The following AGTPBP1 variants were observed in gnomAD, a reference collection of about 807,000 sequenced individuals.
The protein encoded by AGTPBP1 is ATP/GTP binding carboxypeptidase 1.
In AGTPBP1, 70 loss-of-function variants were observed where a neutral mutation model predicts 143.9. The observed-to-expected ratio is 0.49, with a 90% CI of 0.40 to 0.59. AGTPBP1 has a LOEUF of 0.59. Ranked by LOEUF, AGTPBP1 falls within the 20% of genes least tolerant of loss-of-function variation. The pLI is 0.00. For missense variants in AGTPBP1, 1,229 were observed against 1,464.5 expected, an observed-to-expected ratio of 0.84 and a Z score of 2.62; for synonymous variants, 463 against 500.2, an observed-to-expected ratio of 0.93 and a Z score of 0.99.
rs1832576228 is a variant in AGTPBP1 at position 85,642,850 on chromosome 9, G to A, written c.1279C>T (p.Pro427Ser). Reference sequence around the variant, plus strand: ...ACCTGAAAATCATCAACAAGCTCAGGGAAAAGGTGTTCATACATTTTTAGA... The same window carrying A: ...ACCTGAAAATCATCAACAAGCTCAGAGAAAAGGTGTTCATACATTTTTAGA... ...EDLKMYEHLF[P>S]ELVDDFQDYD... Residue 427 changes from proline to serine, a missense_variant, in exon 13 of 26, where the codon CCT (proline) becomes TCT (serine). Pro to Ser is a moderately conservative substitution (Grantham distance 74). Transcript: ENST00000357081. The A allele has an allele frequency of 6.2e-7, 1 of 1,611,522 alleles. No homozygotes were observed. The highest frequency in any genetic ancestry group is 8.5e-7 in the Non-Finnish European group (1 of 1,179,222).
chr9:85,593,872 C>CT (rs1486650405), intron 18 of AGTPBP1, among the ~76,000 whole-genome samples: 3 of 152,130 alleles, frequency 2.0e-5, no homozygotes, highest in Admixed American at 6.5e-5. Flanking sequence ...TAAAGATGCT[C>CT]TAACAACTTA....
the AGTPBP1 span, among the ~76,000 whole-genome samples, chr9:85,760,648 C>T: frequency 6.6e-6 from 1 of 152,132 alleles, no homozygotes; most frequent in African/African-American, 2.4e-5. Flanking sequence ...TTATGACAAA[C>T]CCACAGCCAA....
At chr9:85,592,534 A>G (rs377535152) in intron 19 of AGTPBP1, 26 bp downstream of exon 19, 1 of 1,517,918 alleles carries the variant, frequency 6.6e-7, no homozygotes, top group Non-Finnish European at 8.9e-7. Context: ...ATATCCATAT[A>G]ATACAATTTA....
Position 85,672,586 on chromosome 9 carries a change from G to T in AGTPBP1, c.532C>A (p.Pro178Thr). ...QNLQNHRLVL[P>T]CLQLLRVYSA... The stretch of plus-strand genomic sequence containing the variant: ...TATACTCGTAAAAGCTGAAGGCAAG[G>T]TAGAACCAAGCGATGATTCTGCAAA... Residue 178 changes from proline (P) to threonine (T), a missense_variant, in exon 7 of 26, where the codon CCT becomes ACT. By Grantham distance (38) the Pro-to-Thr change is conservative (BLOSUM62 -1). Around this residue, in one of 2 missense-constraint regions of AGTPBP1, gnomAD observed 743 missense variants for 812.2 expected, o/e 0.91. Coordinates refer to ENST00000357081, the MANE Select transcript of AGTPBP1 (RefSeq NM_001330701.2). 1 of 1,613,566 alleles carries T rather than the reference G, an allele frequency of 6.2e-7. No homozygotes were observed. Among genetic ancestry groups the T allele is most frequent in the East Asian group, 2.2e-5 (1 of 44,848 alleles).
intron 11 of AGTPBP1, among the ~76,000 whole-genome samples, chr9:85,648,025 G>A (rs1252188718): frequency 2.0e-5 from 3 of 152,148 alleles, no homozygotes; most frequent in South Asian, 4.2e-4. Context: ...CAACAAACAG[G>A]AAAAGAAAAA....
chr9:85,624,989 A>T (rs964942788), intron 14 of AGTPBP1, among the ~76,000 whole-genome samples: 1 of 152,180 alleles, frequency 6.6e-6, no homozygotes, highest in Admixed American at 6.5e-5. Flanking sequence ...ACCACTGCAC[A>T]TTATTCATAA....
chr9:85,741,589 C>G, intron 1 of AGTPBP1, 186 bp downstream of exon 1: 1 of 985,414 alleles, frequency 1.0e-6, no homozygotes, highest in South Asian at 4.7e-5. Flanking sequence ...GGCTTTCCCT[C>G]AAGACCGAGT....
chr9:85,702,626 G>A (rs886782737), intron 2 of AGTPBP1, among the ~76,000 whole-genome samples: 2 of 146,420 alleles, frequency 1.4e-5, no homozygotes, highest in Non-Finnish European at 3.0e-5. Flanking sequence ...TCCTAAAAAT[G>A]TTATTTCTGG....
At chr9:85,646,133 A>G (rs1832792847) in intron 12 of AGTPBP1, among the ~76,000 whole-genome samples, 188 bp downstream of exon 12, 1 of 152,184 alleles carries the variant, frequency 6.6e-6, no homozygotes, top group South Asian at 2.1e-4. Flanking sequence ...AAGTTACTTT[A>G]AGGTCCTTTT....
intron 17 of AGTPBP1, among the ~76,000 whole-genome samples, chr9:85,611,213 C>T (rs1587733835): frequency 1.6e-5 from 2 of 126,808 alleles, no homozygotes; most frequent in African/African-American, 2.9e-5. Flanking sequence ...AAATAAGTGT[C>T]ACACTAAATA....
At chr9:85,799,623 C>A in the AGTPBP1 span, among the ~76,000 whole-genome samples, 1 of 152,150 alleles carries the variant, frequency 6.6e-6, no homozygotes. Context: ...TCAAATTATC[C>A]TCCAGCCTCA....
At chr9:85,727,155 C>T (rs746870112) in intron 1 of AGTPBP1, among the ~76,000 whole-genome samples, 1 of 151,932 alleles carries the variant, frequency 6.6e-6, no homozygotes, top group Non-Finnish European at 1.5e-5. Context: ...GGTGAAACCC[C>T]GTCTCTACCA....
intron 2 of AGTPBP1, among the ~76,000 whole-genome samples, chr9:85,699,190 T>C (rs1836484850): frequency 6.6e-6 from 1 of 152,196 alleles, no homozygotes; most frequent in African/African-American, 2.4e-5. Context: ...CACTATATGC[T>C]GCCCAGGATG....
At chr9:85,599,279 G>T (rs1829509839) in intron 17 of AGTPBP1, among the ~76,000 whole-genome samples, 1 of 152,028 alleles carries the variant, frequency 6.6e-6, no homozygotes, top group African/African-American at 2.4e-5. Flanking sequence ...CCTTTTGAGG[G>T]TACTTCATGG....
the AGTPBP1 span, among the ~76,000 whole-genome samples, chr9:85,795,525 AT>A: frequency 2.0e-5 from 3 of 152,220 alleles, no homozygotes; most frequent in Non-Finnish European, 4.4e-5. Flanking sequence ...AACCATTTGA[AT>A]GCGAACAATG....
chr9:85,678,249 A>C (rs1410809276), intron 5 of AGTPBP1, 86 bp downstream of exon 5: 1 of 840,350 alleles, frequency 1.2e-6, no homozygotes, highest in African/African-American at 1.7e-5. Context: ...CTATAAGAGT[A>C]TCGGAAAATT....
At chr9:85,751,048 A>T in the AGTPBP1 span, among the ~76,000 whole-genome samples, 1 of 152,162 alleles carries the variant, frequency 6.6e-6, no homozygotes, top group Admixed American at 6.5e-5. Context: ...GCAATTGTAT[A>T]TGGGTGTGGG....
intron 2 of AGTPBP1, among the ~76,000 whole-genome samples, chr9:85,703,752 TA>T (rs745413830): frequency 4.1e-4 from 63 of 152,330 alleles, no homozygotes; most frequent in Non-Finnish European, 8.7e-4. Context: ...AGATGACATC[TA>T]AATCAATAGG....
intron 1 of AGTPBP1, among the ~76,000 whole-genome samples, chr9:85,719,475 G>A (rs532408836): frequency 8.5e-5 from 13 of 152,272 alleles, no homozygotes; most frequent in Non-Finnish European, 1.6e-4. Context: ...TGTAATTGGT[G>A]TATAGGAATG....
Sources: gnomAD v4.1 joint callset for allele counts (sites outside exome capture counted in the v4.1 genomes callset) on GRCh38, gnomAD v4.1.1 for gene constraint, gnomAD v4.1.1 regional missense constraint, MANE v1.5 for transcripts, NCBI Gene and HGNC (gene_info 2026-07-23, HGNC 2026-07-21) for gene names.